FAM13A: variants seen among roughly 807,000 people sequenced by gnomAD.
FAM13A encodes family with sequence similarity 13 member A.
A neutral mutation model predicts 129.6 loss-of-function variants in FAM13A; 76 were observed. The observed-to-expected ratio is 0.59, with a 90% CI of 0.49 to 0.71. The LOEUF is 0.71. Among genes scored for constraint, FAM13A ranks in the 30% least tolerant of loss-of-function variants. The probability of loss-of-function intolerance (pLI) is 0.00; values close to 1 mark genes in which losing one functional copy is unlikely to be tolerated. For missense variants in FAM13A, 1,108 were observed against 1,249.3 expected, an observed-to-expected ratio of 0.89 and a Z score of 1.70; for synonymous variants, 443 against 449.9, an observed-to-expected ratio of 0.98 and a Z score of 0.20.
At position 88,852,577 on chromosome 4, in the gene FAM13A, T is replaced by C. The variant is rs527330352; in HGVS notation, c.844-1394A>G. Among the ~76,000 whole-genome samples the C allele has an allele frequency of 5.3e-5, 8 of 152,344 alleles. No homozygotes were observed. In the East Asian group the frequency reaches 1.5e-3, roughly 29 times the overall value. ...TTTAATCTAAGTTTTCTCATGTTTC[T>C]AGGTCATATGGTCTCAATGGGTTCT... On this transcript the variant is annotated intron_variant, in intron 6 of 23. Coordinates refer to ENST00000264344, the MANE Select transcript of FAM13A (RefSeq NM_014883.4).
intron 15 of FAM13A, 82 bp downstream of exon 15, chr4:88,750,342 A>T: frequency 1.7e-6 from 2 of 1,169,196 alleles, no homozygotes; most frequent in South Asian, 2.6e-5. Flanking sequence ...ATTAAAAAAA[A>T]TTATTCACTA....
chr4:88,749,738 G>A, intron 16 of FAM13A, 33 bp downstream of exon 16: 1 of 1,608,394 alleles, frequency 6.2e-7, no homozygotes, highest in Non-Finnish European at 8.5e-7. Flanking sequence ...GGGAGAGGAT[G>A]AGGCGAAAAG....
In FAM13A at chr4:88,728,465, G is replaced by A; in HGVS notation, c.*68C>T. 2 of 1,603,420 alleles carry A rather than the reference G, an allele frequency of 1.2e-6. No individual in the cohort carries two copies. The highest frequency in any genetic ancestry group is 1.1e-5 in the South Asian group (1 of 90,744). The stretch of plus-strand genomic sequence containing the variant: ...GCCAGCCCCAAGGCTGCCTTCCAGA[G>A]CTGCACTTTCTCTGGGGACAGTAAA... On this transcript the variant is annotated 3_prime_UTR_variant, in exon 24 of 24. Transcript: ENST00000264344.
chr4:88,778,078 T>C (rs142590179), intron 11 of FAM13A, among the ~76,000 whole-genome samples: 1 of 152,180 alleles, frequency 6.6e-6, no homozygotes, highest in African/African-American at 2.4e-5. Context: ...ATTCACTCCC[T>C]TGGTTATCTC....
At chr4:88,877,571 G>A (rs1254907040) in intron 6 of FAM13A, among the ~76,000 whole-genome samples, 2 of 152,108 alleles carry the variant, frequency 1.3e-5, no homozygotes, top group Non-Finnish European at 2.9e-5. Flanking sequence ...AGGAAAAGAG[G>A]TAAAATATCA....
intron 5 of FAM13A, among the ~76,000 whole-genome samples, chr4:88,920,490 C>A (rs1750875398): frequency 6.6e-6 from 1 of 152,164 alleles, no homozygotes; most frequent in African/African-American, 2.4e-5. Context: ...AGCTGAGGGT[C>A]CTGTCTGTTA....
At chr4:88,748,810 G>A in intron 17 of FAM13A, 142 bp downstream of exon 17, 1 of 711,480 alleles carries the variant, frequency 1.4e-6, no homozygotes, top group Admixed American at 1.9e-5. Context: ...TGGGGAAGTG[G>A]TCACTCTGAA....
At chr4:88,850,307 C>T (rs1737343023) in intron 7 of FAM13A, among the ~76,000 whole-genome samples, 1 of 152,066 alleles carries the variant, frequency 6.6e-6, no homozygotes, top group Non-Finnish European at 1.5e-5. Flanking sequence ...GTAATCCCAG[C>T]ACTTTGGGAG....
chr4:88,885,987 T>C (rs1281097337), intron 6 of FAM13A, among the ~76,000 whole-genome samples: 4 of 140,098 alleles, frequency 2.9e-5, no homozygotes, highest in Non-Finnish European at 6.0e-5. Flanking sequence ...CCTGCAAGAA[T>C]GGCCATAAGC....
rs904421065 is a variant in FAM13A at position 88,992,264 on chromosome 4, T to C, written c.428-1114A>G. On this transcript the variant is annotated intron_variant, in intron 3 of 23. Transcript: ENST00000264344. ...CAAGTGTCAGAATGAATAACTTTTTTTTCTTCTTCTTTTTTTTTTTTTAAG... is the reference window on the plus strand; with the variant it reads ...CAAGTGTCAGAATGAATAACTTTTTCTTCTTCTTCTTTTTTTTTTTTTAAG... Among the ~76,000 whole-genome samples the C allele has an allele frequency of 1.1e-4, 13 of 122,928 alleles. No individual in the cohort carries two copies. The South Asian group carries it at 1.9e-3, about 18-fold the overall frequency. The allele number at this position is 122,928 out of a possible 152,430, so 80.6% of individuals were successfully genotyped here. A position where few individuals can be genotyped will look rare whatever the true frequency, so the allele number is the denominator to read the frequency against.
At chr4:88,916,035 T>C (rs1157673548) in intron 5 of FAM13A, among the ~76,000 whole-genome samples, 5 of 151,818 alleles carry the variant, frequency 3.3e-5, no homozygotes, top group Admixed American at 3.3e-4. Flanking sequence ...CTTATCTTTA[T>C]AAATTAAAAA....
At chr4:88,996,536 T>C (rs953184158) in intron 3 of FAM13A, among the ~76,000 whole-genome samples, 3 of 152,222 alleles carry the variant, frequency 2.0e-5, no homozygotes, top group Admixed American at 2.0e-4. Flanking sequence ...CCAGGCACCA[T>C]TCTAAGCATT....
intron 1 of FAM13A, among the ~76,000 whole-genome samples, chr4:89,053,032 A>G (rs897236183): frequency 2.0e-5 from 3 of 152,232 alleles, no homozygotes; most frequent in African/African-American, 7.2e-5. Flanking sequence ...AACAGTTACA[A>G]GCAGTGAGGA....
At chr4:88,909,183 G>A (rs923700149) in intron 5 of FAM13A, among the ~76,000 whole-genome samples, 15 of 152,176 alleles carry the variant, frequency 9.9e-5, no homozygotes, top group South Asian at 2.1e-4. Flanking sequence ...CCTAAAAGTG[G>A]TGACAATCCA....
chr4:88,949,853 G>A (rs1756643121), intron 4 of FAM13A, among the ~76,000 whole-genome samples: 2 of 152,076 alleles, frequency 1.3e-5, no homozygotes. Context: ...AGTTCCACTT[G>A]TTAATCCAAC....
At chr4:89,013,269 T>A (rs975125687) in intron 3 of FAM13A, among the ~76,000 whole-genome samples, 20 of 149,490 alleles carry the variant, frequency 1.3e-4, no homozygotes, top group African/African-American at 3.2e-4. Flanking sequence ...GACAATAAAA[T>A]ATATATATAT....
In FAM13A at chr4:89,020,590, T is replaced by C; in HGVS notation, c.297A>G (p.Gly99=). 6.2e-7 allele frequency: 1 copy of C among 1,614,116 alleles called. No individual in the cohort carries two copies. Among genetic ancestry groups the C allele is most frequent in the Non-Finnish European group, 8.5e-7 (1 of 1,179,996 alleles). The change falls in exon 3 of 24, where the codon GGA becomes GGG. Residue 99 remains glycine, a synonymous_variant. Coordinates refer to ENST00000264344, the MANE Select transcript of FAM13A (RefSeq NM_014883.4). Reference sequence around the variant, plus strand: ...CGTCCTTCCCGAGCTCCACGGGCACTCCACTCTCGAACTTCAGTCGAAGTT... The same window carrying C: ...CGTCCTTCCCGAGCTCCACGGGCACCCCACTCTCGAACTTCAGTCGAAGTT... ...VEQLRLKFES[G]VPVELGKDGD...
chr4:88,729,802 CATA>C (rs1737245352), intron 23 of FAM13A: 1 of 152,086 alleles, frequency 6.6e-6, no homozygotes, highest in Non-Finnish European at 1.5e-5. Context: ...GATATCTGTG[CATA>C]ATGTGACTTA....
intron 5 of FAM13A, among the ~76,000 whole-genome samples, chr4:88,923,654 G>A (rs1053290224): frequency 1.3e-5 from 2 of 152,144 alleles, no homozygotes; most frequent in Non-Finnish European, 2.9e-5. Flanking sequence ...AGACAGGGAT[G>A]CCCTCTCTCA....
Sources: allele counts gnomAD v4.1 joint callset (sites outside exome capture counted in the v4.1 genomes callset), GRCh38; gene constraint gnomAD v4.1.1; transcripts MANE v1.5; gene names NCBI Gene and HGNC (gene_info 2026-07-23, HGNC 2026-07-21).